The following AGO1 variants were observed in gnomAD, a reference collection of about 807,000 sequenced individuals.
AGO1 encodes protein argonaute-1.
A neutral mutation model predicts 109.2 loss-of-function variants in AGO1; 11 were observed. The observed-to-expected ratio is 0.10, with a 90% confidence interval of 0.06 to 0.17. The LOEUF (loss-of-function observed/expected upper bound fraction) is 0.17, where lower values mean the gene tolerates loss of function less well. Among genes scored for constraint, AGO1 ranks in the 10% least tolerant of loss-of-function variants. The pLI, the probability that AGO1 is intolerant of heterozygous loss-of-function variation, is 1.00. For missense variants in AGO1, 574 were observed against 1,140.3 expected, an observed-to-expected ratio of 0.50 and a Z score of 7.15; for synonymous variants, 422 against 418.6, an observed-to-expected ratio of 1.01 and a Z score of -0.10.
In AGO1 at chr1:35,919,468, G is replaced by C. The variant is rs1233515141; in HGVS notation, c.2466-31G>C. The stretch of plus-strand genomic sequence containing the variant: ...ATTAGCAGCAGCTCTCAGTTCACCA[G>C]GAAGGACTTCTTTCATTTTTTCCTT... On this transcript the variant is annotated intron_variant, in intron 18 of 18. Transcript: ENST00000373204. The surrounding 1 kb of genome is among the most constrained non-coding windows in gnomAD (Gnocchi z 6.6). The C allele has an allele frequency of 6.3e-7, 1 of 1,589,178 alleles. No homozygotes were observed. The highest frequency in any genetic ancestry group is 8.6e-7 in the Non-Finnish European group (1 of 1,164,404).
intron 14 of AGO1, 53 bp downstream of exon 14, chr1:35,914,327 C>G: frequency 6.9e-7 from 1 of 1,441,736 alleles, no homozygotes; most frequent in East Asian, 2.3e-5. Flanking sequence ...GCTCTGAGTC[C>G]TCAAAACTGC....
In AGO1 at chr1:35,919,472, G is replaced by C; in HGVS notation, c.2466-27G>C. The C allele has an allele frequency of 6.3e-7, 1 of 1,595,170 alleles. No individual in the cohort carries two copies. Among genetic ancestry groups the C allele is most frequent in the South Asian group, 1.1e-5 (1 of 88,996 alleles). ...GCAGCAGCTCTCAGTTCACCAGGAA[G>C]GACTTCTTTCATTTTTTCCTTTTCA... On this transcript the variant is annotated intron_variant, in intron 18 of 18. Transcript: ENST00000373204. This position sits in a 1 kb window ranked among gnomAD's most constrained non-coding sequence, Gnocchi z 6.6.
At chr1:35,892,787 G>A (rs576426084) in intron 3 of AGO1, 110 bp downstream of exon 3, 13 of 1,401,864 alleles carry the variant, frequency 9.3e-6, no homozygotes, top group Admixed American at 8.8e-5. Context: ...TGCTGAGAAA[G>A]TATGTTTTAG....
chr1:35,887,995 C>T (rs1645147286), intron 1 of AGO1, among the ~76,000 whole-genome samples: 2 of 152,108 alleles, frequency 1.3e-5, no homozygotes, highest in Admixed American at 6.6e-5. Context: ...AAGGTTATGC[C>T]ATTTTGTATT....
chr1:35,912,996 T>C (rs1645665485), intron 12 of AGO1, among the ~76,000 whole-genome samples: 1 of 152,062 alleles, frequency 6.6e-6, no homozygotes, highest in Non-Finnish European at 1.5e-5. Context: ...TTTGTTTTTC[T>C]CCGTCTCAAC....
rs1645900894 is a variant in AGO1, at chr1:35,924,996, AGT to A, written c.*5390_*5391del. 1 of 152,146 alleles carries A rather than the reference AGT, an allele frequency of 6.6e-6. No individual in the cohort carries two copies. Among genetic ancestry groups the A allele is most frequent in the African/African-American group, 2.4e-5 (1 of 41,424 alleles). 9.4% of individuals were successfully genotyped at this position (152,146 alleles called of 1,614,324 possible). On this transcript the variant is annotated 3_prime_UTR_variant, in exon 19 of 19. Transcript: ENST00000373204. ...AGCTTAGAAAAAGAGAAGAGAAACT[AGT>A]ATACAGCCCCCTAAGAAACTCAATT...
chr1:35,928,835 G>A lies in AGO1; in HGVS notation c.*9228G>A, dbSNP rs570414684. On this transcript the variant is annotated 3_prime_UTR_variant, in exon 19 of 19. Transcript: ENST00000373204. ...GGAAATTTTGCACTGGGTATTTGAT[G>A]GCTCCTGAGGAGGTTCAACTTTCAG... 4.6e-5 allele frequency: 7 copies of A among 152,278 alleles called. No homozygotes were observed. The South Asian group carries it at 1.5e-3, about 32-fold the overall frequency. The allele number at this position is 152,278 out of a possible 1,614,324, so 9.4% of individuals were successfully genotyped here.
rs977320190 is a variant in AGO1, at chr1:35,920,145, A to G, written c.*538A>G. 6.5e-6 allele frequency: 1 copy of G among 152,738 alleles called. No homozygotes were observed. Among genetic ancestry groups the G allele is most frequent in the East Asian group, 1.9e-4 (1 of 5,186 alleles). 9.5% of individuals were successfully genotyped at this position (152,738 alleles called of 1,614,324 possible). ...CCAGATCAATATTTTAGGATACTAG[A>G]TGTTTTAATGGGTTCAGAATCCAGT... is the stretch of plus-strand genomic sequence containing the variant. On this transcript the variant is annotated 3_prime_UTR_variant, in exon 19 of 19. Transcript: ENST00000373204.
At chr1:35,897,822 A>C (rs1571353340) in intron 8 of AGO1, among the ~76,000 whole-genome samples, 1 of 152,378 alleles carries the variant, frequency 6.6e-6, no homozygotes, top group African/African-American at 2.4e-5. Context: ...GTATATTCAC[A>C]GAATTGTACA....
Position 35,918,378 on chromosome 1 carries a change from C to T in AGO1, c.2220C>T (p.His740=), listed in dbSNP as rs1278891860. The T allele has an allele frequency of 1.2e-6, 2 of 1,614,050 alleles. No individual in the cohort carries two copies. Among genetic ancestry groups the T allele is most frequent in the South Asian group, 1.1e-5 (1 of 91,094 alleles). The part of the protein sequence containing the change: ...AGTTVDTNIT[H]PFEFDFYLCS... ...CCACAGTGGACACCAACATCACCCACCCATTTGAGTTTGACTTCTATCTGT... is the reference window on the plus strand; with the variant it reads ...CCACAGTGGACACCAACATCACCCATCCATTTGAGTTTGACTTCTATCTGT... The change falls in exon 17 of 19, where the codon CAC becomes CAT. Residue 740 remains histidine (H), a synonymous_variant. Transcript: ENST00000373204.
At chr1:35,907,536 G>T (rs141332471) in intron 12 of AGO1, among the ~76,000 whole-genome samples, 1 of 151,974 alleles carries the variant, frequency 6.6e-6, no homozygotes, top group Non-Finnish European at 1.5e-5. Context: ...TTTTTGAGAG[G>T]CTTGCTATCT....
chr1:35,918,970 C>T, intron 17 of AGO1, 85 bp from the exon 18 acceptor site: 1 of 1,232,972 alleles, frequency 8.1e-7, no homozygotes, highest in Non-Finnish European at 1.2e-6. Context: ...TCTACCCAGC[C>T]ATATTCTTAA....
At chr1:35,870,568 C>G (rs904491000) in intron 1 of AGO1, among the ~76,000 whole-genome samples, 1 of 152,200 alleles carries the variant, frequency 6.6e-6, no homozygotes, top group Admixed American at 6.5e-5. Context: ...AGGCGTGAGC[C>G]ACCGCGCCTG....
In AGO1 at chr1:35,926,027, T is replaced by C. The variant is rs2148730297; in HGVS notation, c.*6420T>C. ...GAGCCAGCCAGCCCCATGCTTCTTT[T>C]CAGCAGCAAGGGTTAGGGAGGTTGG... On this transcript the variant is annotated 3_prime_UTR_variant, in exon 19 of 19. Transcript: ENST00000373204. 6.6e-6 allele frequency: 1 copy of C among 151,854 alleles called. No homozygotes were observed. The highest frequency in any genetic ancestry group is 2.0e-4 in the East Asian group (1 of 4,964). 9.4% of individuals were successfully genotyped at this position (151,854 alleles called of 1,614,324 possible).
intron 11 of AGO1, among the ~76,000 whole-genome samples, chr1:35,902,840 T>C (rs794223): frequency 0.017 from 2,545 of 152,076 alleles, 84 homozygotes; most frequent in African/African-American, 0.055. Flanking sequence ...GTGTTCCTAA[T>C]TGGAAACAAA....
In AGO1 at chr1:35,901,632, T is replaced by C. The variant is rs376891813; in HGVS notation, c.1140+39T>C. 3.1e-6 allele frequency: 5 copies of C among 1,613,054 alleles called. No homozygotes were observed. Among genetic ancestry groups the C allele is most frequent in the Admixed American group, 3.3e-5 (2 of 59,862 alleles). On this transcript the variant is annotated intron_variant, in intron 9 of 18. Transcript: ENST00000373204. The surrounding 1 kb of genome is among the most constrained non-coding windows in gnomAD (Gnocchi z 4.8). ...CTCATTTGCTCAGTCATTGGGGCCA[T>C]TGGTAGCATAAATGTTTTAATGCCC...
At chr1:35,905,691 G>A (rs1339128727) in intron 11 of AGO1, among the ~76,000 whole-genome samples, 4 of 151,982 alleles carry the variant, frequency 2.6e-5, no homozygotes, top group African/African-American at 4.8e-5. Flanking sequence ...GGCTGGTCTC[G>A]AAGTCCTGGC....
chr1:35,908,775 C>T (rs1645575995), intron 12 of AGO1, among the ~76,000 whole-genome samples: 1 of 151,602 alleles, frequency 6.6e-6, no homozygotes, highest in South Asian at 2.1e-4. Context: ...GATAATATGC[C>T]CTGCTCTTGA....
In AGO1 at chr1:35,893,907, A is replaced by G. The variant is rs187907471; in HGVS notation, c.649+97A>G. The G allele has an allele frequency of 1.2e-5, 18 of 1,538,112 alleles. No individual in the cohort carries two copies. Among genetic ancestry groups the G allele is most frequent in the Admixed American group, 9.5e-5 (5 of 52,802 alleles). On this transcript the variant is annotated intron_variant, in intron 5 of 18. Coordinates refer to ENST00000373204, the MANE Select transcript of AGO1 (RefSeq NM_012199.5). This position sits in a 1 kb window ranked among gnomAD's most constrained non-coding sequence, Gnocchi z 5.6. ...AGCTCTGCAACCACACTCCTAGTCT[A>G]ATTCCTACAGCCCTGGCACCCCCTT... is the stretch of plus-strand genomic sequence containing the variant.
Sources: allele counts gnomAD v4.1 joint callset (sites outside exome capture counted in the v4.1 genomes callset), GRCh38; gene constraint gnomAD v4.1.1; non-coding constraint Gnocchi (gnomAD v3.1); transcripts MANE v1.5; gene names NCBI Gene and HGNC (gene_info 2026-07-23, HGNC 2026-07-21).